Variants in DUSP4 observed in about 807,000 individuals in gnomAD.
DUSP4 encodes dual specificity protein phosphatase 4.
A neutral mutation model predicts 27.2 loss-of-function variants in DUSP4; 12 were observed. The observed-to-expected ratio is 0.44, with a 90% confidence interval of 0.28 to 0.71. The LOEUF (loss-of-function observed/expected upper bound fraction) is 0.71. DUSP4 is among the 30% of genes least tolerant of loss of function. The pLI is 0.14. For synonymous variants in DUSP4, 257 were observed against 245.2 expected (o/e 1.05, Z -0.45); for missense variants, 448 against 551.3 (o/e 0.81, Z 1.88).
intron 1 of DUSP4, chr8:29,348,672 C>T: frequency 1.0e-6 from 1 of 985,400 alleles, no homozygotes; most frequent in Non-Finnish European, 1.2e-6. Flanking sequence ...GGTTTCCGCC[C>T]CCTTTCCAGC....
At chr8:29,338,197 T>A in intron 3 of DUSP4, 85 bp downstream of exon 3, 2 of 1,406,002 alleles carry the variant, frequency 1.4e-6, no homozygotes, top group Non-Finnish European at 2.0e-6. Context: ...GCCTCCAATG[T>A]CCACCTTCAA....
At position 29,337,012 on chromosome 8, in the gene DUSP4, C is replaced by A. The variant is rs547113334; in HGVS notation, c.*14G>T. 4 of 1,571,640 alleles carry A rather than the reference C, an allele frequency of 2.5e-6. No homozygotes were observed. The African/African-American group carries it at 4.1e-5, about 16-fold the overall frequency. ...CTGGGAGCCAGCTCTGGTTCTGGGG[C>A]CCCCAGGGCGGCTCTAACAGCTGGG... On this transcript the variant is annotated 3_prime_UTR_variant, in exon 4 of 4. Transcript: ENST00000240100. The surrounding 1 kb of genome is among the most constrained non-coding windows in gnomAD (Gnocchi z 6.4).
chr8:29,343,723 G>T (rs1587049580), intron 1 of DUSP4, among the ~76,000 whole-genome samples: 1 of 152,172 alleles, frequency 6.6e-6, no homozygotes, highest in Non-Finnish European at 1.5e-5. Flanking sequence ...TTTTTAAAAT[G>T]GAATACAATA....
intron 1 of DUSP4, among the ~76,000 whole-genome samples, chr8:29,344,765 A>G (rs1288745982): frequency 6.6e-6 from 1 of 152,092 alleles, no homozygotes; most frequent in Non-Finnish European, 1.5e-5. Context: ...ATATCACCAT[A>G]ATAGGACTGT....
chr8:29,345,409 G>C (rs1174157714), intron 1 of DUSP4: 1 of 1,613,690 alleles, frequency 6.2e-7, no homozygotes, highest in Non-Finnish European at 8.5e-7. Flanking sequence ...CTTCCTGCCA[G>C]CTGGCTGACA....
intron 1 of DUSP4, chr8:29,348,685 C>T (rs1407134573): frequency 1.0e-6 from 1 of 985,262 alleles, no homozygotes; most frequent in African/African-American, 1.7e-5. Context: ...TTTCCAGCTC[C>T]CTTCCTCCCG....
chr8:29,339,537 G>A (rs1817625296), intron 2 of DUSP4, among the ~76,000 whole-genome samples: 1 of 151,802 alleles, frequency 6.6e-6, no homozygotes, highest in Non-Finnish European at 1.5e-5. Context: ...GTCCGGACAC[G>A]ACGTTAGAGG....
chr8:29,348,118 G>A, intron 1 of DUSP4: 1 of 985,574 alleles, frequency 1.0e-6, no homozygotes, highest in Non-Finnish European at 1.2e-6. Context: ...CTGGAACCCA[G>A]TCCCAGCCCT....
At chr8:29,342,044 C>T (rs1310091134) in intron 1 of DUSP4, among the ~76,000 whole-genome samples, 1 of 152,200 alleles carries the variant, frequency 6.6e-6, no homozygotes, top group East Asian at 1.9e-4. Flanking sequence ...CCTGCAAAAA[C>T]TCACCACCAA....
At chr8:29,341,997 A>G (rs2117270610) in intron 1 of DUSP4, among the ~76,000 whole-genome samples, 1 of 152,348 alleles carries the variant, frequency 6.6e-6, no homozygotes, top group Middle Eastern at 3.4e-3. Flanking sequence ...AGCTATTAAA[A>G]CACATTTTAA....
In DUSP4 at chr8:29,336,959, T is replaced by G; in HGVS notation, c.*67A>C. 1 of 1,460,308 alleles carries G rather than the reference T, an allele frequency of 6.8e-7. No homozygotes were observed. The highest frequency in any genetic ancestry group is 9.0e-7 in the Non-Finnish European group (1 of 1,106,130). 90.5% of individuals were successfully genotyped at this position (1,460,308 alleles called of 1,614,324 possible). ...TCCCAGCTGCTCAGTCCCAACTTTC[T>G]GCCCGCATGCGGCCCGTCCTACCCT... On this transcript the variant is annotated 3_prime_UTR_variant, in exon 4 of 4. Coordinates refer to ENST00000240100, the MANE Select transcript of DUSP4 (RefSeq NM_001394.7).
Position 29,339,956 on chromosome 8 carries a change from C to T in DUSP4, c.579+142G>A. 2.6e-6 allele frequency: 3 copies of T among 1,158,394 alleles called. No homozygotes were observed. The South Asian group carries it at 4.8e-5, about 18-fold the overall frequency. The allele number at this position is 1,158,394 out of a possible 1,614,324, so 71.8% of individuals were successfully genotyped here. ...TCGAGGCTGCAGTAAGCTATGATCA[C>T]ACCACTGCACTCCTGGGTGACAGAG... On this transcript the variant is annotated intron_variant, in intron 2 of 3. Coordinates refer to ENST00000240100, the MANE Select transcript of DUSP4 (RefSeq NM_001394.7).
intron 1 of DUSP4, chr8:29,348,630 G>T (rs1817773554): frequency 2.1e-5 from 21 of 985,486 alleles, no homozygotes; most frequent in Non-Finnish European, 2.5e-5. Context: ...CCTCCGCACT[G>T]AACAGTTTTG....
Position 29,334,000 on chromosome 8 carries a change from G to A in DUSP4, c.*3026C>T, listed in dbSNP as rs569050842. ...AACTGAACAAAATGGCTTTGGGAGG[G>A]AATGATGGGAGCTGGGGCCTACCAG... On this transcript the variant is annotated 3_prime_UTR_variant, in exon 4 of 4. Coordinates refer to ENST00000240100, the MANE Select transcript of DUSP4 (RefSeq NM_001394.7). 6.6e-6 allele frequency: 1 copy of A among 152,386 alleles called. No individual in the cohort carries two copies. The highest frequency in any genetic ancestry group is 2.4e-5 in the African/African-American group (1 of 41,584). The allele number at this position is 152,386 out of a possible 1,614,324, so 9.4% of individuals were successfully genotyped here. A position where few individuals can be genotyped will look rare whatever the true frequency, so the allele number is the denominator to read the frequency against.
At chr8:29,338,017 G>A (rs1019821025) in intron 3 of DUSP4, among the ~76,000 whole-genome samples, 6 of 152,164 alleles carry the variant, frequency 3.9e-5, no homozygotes, top group South Asian at 2.1e-4. Context: ...CTTCCTCCCC[G>A]TCCAAAAACT....
At chr8:29,338,110 C>T (rs1197084227) in intron 3 of DUSP4, among the ~76,000 whole-genome samples, 172 bp downstream of exon 3, 1 of 152,128 alleles carries the variant, frequency 6.6e-6, no homozygotes, top group Admixed American at 6.5e-5. Flanking sequence ...CATCTTCCCT[C>T]CTCCCTCCCA....
intron 1 of DUSP4, among the ~76,000 whole-genome samples, chr8:29,345,125 G>A (rs980614963): frequency 6.6e-6 from 1 of 152,146 alleles, no homozygotes; most frequent in African/African-American, 2.4e-5. Flanking sequence ...ACCCGGCCTT[G>A]GTCATGAATC....
At chr8:29,344,859 G>A (rs1411156375) in intron 1 of DUSP4, among the ~76,000 whole-genome samples, 1 of 150,840 alleles carries the variant, frequency 6.6e-6, no homozygotes, top group Non-Finnish European at 1.5e-5. Flanking sequence ...CCCAGACAGG[G>A]TCTGTCACTG....
intron 2 of DUSP4, among the ~76,000 whole-genome samples, chr8:29,339,788 G>C (rs1184721466): frequency 2.0e-5 from 3 of 151,112 alleles, no homozygotes; most frequent in Non-Finnish European, 2.9e-5. Flanking sequence ...AGGATCACTT[G>C]AGGCCAGGAG....
Sources: gnomAD v4.1 joint callset for allele counts (sites outside exome capture counted in the v4.1 genomes callset) on GRCh38, gnomAD v4.1.1 for gene constraint, Gnocchi (gnomAD v3.1) non-coding constraint, MANE v1.5 for transcripts, NCBI Gene and HGNC (gene_info 2026-07-23, HGNC 2026-07-21) for gene names.